Variants in ZFPM2 observed in about 807,000 individuals in gnomAD.
ZFPM2 encodes the protein zinc finger protein ZFPM2.
A neutral mutation model predicts 98.6 loss-of-function variants in ZFPM2; 20 were observed. The ratio of observed to expected loss-of-function variants is 0.20; its 90% confidence interval spans 0.14 to 0.29. ZFPM2 has a LOEUF of 0.29. Ranked by LOEUF, ZFPM2 falls within the 10% of genes least tolerant of loss-of-function variation. The probability of loss-of-function intolerance (pLI) is 1.00; values close to 1 mark genes in which losing one functional copy is unlikely to be tolerated. For synonymous variants in ZFPM2, 518 were observed against 502.7 expected (o/e 1.03, Z -0.41); for missense variants, 1,310 against 1,388.6 (o/e 0.94, Z 0.90).
intron 5 of ZFPM2, chr8:105,678,331 A>C (rs1810516682): frequency 6.6e-6 from 1 of 152,222 alleles, no homozygotes; most frequent in Non-Finnish European, 1.5e-5. Context: ...AAAATCTATA[A>C]AAGATGCTCT....
At position 105,677,485 on chromosome 8, in the gene ZFPM2, A is replaced by G. The variant is rs575845854; in HGVS notation, c.532+43128A>G. 2.6e-5 allele frequency among the ~76,000 whole-genome samples: 4 copies of G among 152,258 alleles called. No homozygotes were observed. The South Asian group carries it at 8.3e-4, about 32-fold the overall frequency. Reference sequence around the variant, plus strand: ...TCATCACAAAACAATGATATTGCTAAAATTAAACAATTCTCTTCAACAAAT... The same window carrying G: ...TCATCACAAAACAATGATATTGCTAGAATTAAACAATTCTCTTCAACAAAT... On this transcript the variant is annotated intron_variant, in intron 5 of 7. Transcript: ENST00000407775.
intron 2 of ZFPM2, among the ~76,000 whole-genome samples, chr8:105,419,867 G>A (rs1231346210): frequency 7.0e-6 from 1 of 143,504 alleles, no homozygotes; most frequent in Non-Finnish European, 1.5e-5. Context: ...AAGCACTTGA[G>A]ACATATCACA....
At chr8:105,405,337 T>A (rs913450291) in intron 1 of ZFPM2, among the ~76,000 whole-genome samples, 9 of 151,940 alleles carry the variant, frequency 5.9e-5, no homozygotes, top group East Asian at 3.9e-4. Context: ...CGTGCAGGTT[T>A]GTTACATATG....
chr8:105,619,383 ATATAT>A (rs1451047464), intron 4 of ZFPM2, among the ~76,000 whole-genome samples: 6 of 152,042 alleles, frequency 3.9e-5, no homozygotes, highest in African/African-American at 1.4e-4. Flanking sequence ...TTTATTATTA[ATATAT>A]TGTGAACATC....
At chr8:105,441,496 A>C (rs572648011) in intron 2 of ZFPM2, among the ~76,000 whole-genome samples, 1 of 125,044 alleles carries the variant, frequency 8.0e-6, no homozygotes, top group African/African-American at 3.8e-5. Flanking sequence ...GAAAGAAAGA[A>C]AGAAATCAAA....
chr8:105,488,731 T>C (rs1217901495), intron 3 of ZFPM2, among the ~76,000 whole-genome samples: 2 of 152,160 alleles, frequency 1.3e-5, no homozygotes, highest in Admixed American at 6.5e-5. Context: ...ACCACTGCAC[T>C]CCAGCCTGGG....
intron 4 of ZFPM2, among the ~76,000 whole-genome samples, chr8:105,587,084 G>A (rs1255680890): frequency 2.0e-5 from 3 of 151,282 alleles, no homozygotes; most frequent in Non-Finnish European, 4.4e-5. Flanking sequence ...AGACCATCCT[G>A]GCTAACACGG....
chr8:105,644,076 C>T (rs1816995508), intron 5 of ZFPM2, among the ~76,000 whole-genome samples: 1 of 152,098 alleles, frequency 6.6e-6, no homozygotes, highest in Non-Finnish European at 1.5e-5. Flanking sequence ...AACTTGCCAA[C>T]TCCTGAACTA....
chr8:105,749,322 T>TA (rs1271711376), intron 5 of ZFPM2, among the ~76,000 whole-genome samples: 2 of 151,984 alleles, frequency 1.3e-5, no homozygotes, highest in Non-Finnish European at 2.9e-5. Context: ...ATGATAGATT[T>TA]AAAAAAAGAC....
intron 5 of ZFPM2, among the ~76,000 whole-genome samples, chr8:105,733,872 T>C (rs1398099905): frequency 6.6e-6 from 1 of 151,860 alleles, no homozygotes; most frequent in African/African-American, 2.4e-5. Context: ...TGTCTTACAT[T>C]GTAAAGAAAA....
intron 4 of ZFPM2, among the ~76,000 whole-genome samples, chr8:105,632,728 G>T (rs930111144): frequency 4.0e-5 from 6 of 151,858 alleles, no homozygotes; most frequent in Admixed American, 1.3e-4. Context: ...CATCTTTTTC[G>T]CAAGGCTTTT....
chr8:105,560,143 T>C (rs1400767343), intron 3 of ZFPM2, among the ~76,000 whole-genome samples: 1 of 137,692 alleles, frequency 7.3e-6, no homozygotes, highest in African/African-American at 2.8e-5. Context: ...AGAGGCAGCC[T>C]GGGCAACAAG....
At chr8:105,483,724 G>A (rs969823686) in intron 3 of ZFPM2, among the ~76,000 whole-genome samples, 1 of 151,166 alleles carries the variant, frequency 6.6e-6, no homozygotes, top group African/African-American at 2.4e-5. Flanking sequence ...TCAGTCATCT[G>A]TCTTTTCTCT....
chr8:105,504,417 A>G lies in ZFPM2; in HGVS notation c.302-56946A>G, dbSNP rs1001353726. 7.9e-5 allele frequency among the ~76,000 whole-genome samples: 12 copies of G among 152,172 alleles called. No homozygotes were observed. In the South Asian group the frequency reaches 2.5e-3, roughly 31 times the overall value. On this transcript the variant is annotated intron_variant, in intron 3 of 7. Coordinates refer to ENST00000407775, the MANE Select transcript of ZFPM2 (RefSeq NM_012082.4). ...TTGGGAACTTCCTAGTGATGTGTCA[A>G]AAAATTACACTTCCTCAGTTTAAGA...
At chr8:105,378,754 C>G (rs999279648) in intron 1 of ZFPM2, among the ~76,000 whole-genome samples, 19 of 152,036 alleles carry the variant, frequency 1.2e-4, no homozygotes, top group Non-Finnish European at 2.2e-4. Flanking sequence ...ATGGTAGTCT[C>G]TCTAAATCTA....
intron 4 of ZFPM2, among the ~76,000 whole-genome samples, chr8:105,598,624 G>T (rs1276912947): frequency 6.6e-6 from 1 of 151,930 alleles, no homozygotes; most frequent in Non-Finnish European, 1.5e-5. Flanking sequence ...CTCACTTCAC[G>T]CTTTCTCACG....
intron 3 of ZFPM2, among the ~76,000 whole-genome samples, chr8:105,537,740 A>AT (rs952882665): frequency 1.5e-4 from 22 of 150,702 alleles, no homozygotes; most frequent in South Asian, 1.3e-3. Flanking sequence ...CTTCTTCTTT[A>AT]TTTTTTTTTG....
At chr8:105,655,223 CTTTTTTTTTTTTT>C (rs34262627) in intron 5 of ZFPM2, among the ~76,000 whole-genome samples, 12 of 76,098 alleles carry the variant, frequency 1.6e-4, no homozygotes, top group East Asian at 1.2e-3. Context: ...TGCATTGAGT[CTTTTTTTTTTTTT>C]TTTTTTTTTT....
rs1586287156 is a variant in ZFPM2 at position 105,803,619 on chromosome 8, G to C, written c.*81G>C. The C allele has an allele frequency of 4.3e-6, 6 of 1,381,470 alleles. No individual in the cohort carries two copies. The East Asian group carries it at 1.5e-4, about 34-fold the overall frequency. The allele number at this position is 1,381,470 out of a possible 1,614,324, so 85.6% of individuals were successfully genotyped here. ...GTCCAGAAAAAAAAATAAGCTGTTT[G>C]AATTACATCTGGGCAATCAGGAGAT... On this transcript the variant is annotated 3_prime_UTR_variant, in exon 8 of 8. Coordinates refer to ENST00000407775, the MANE Select transcript of ZFPM2 (RefSeq NM_012082.4).
Sources: gnomAD v4.1 joint callset for allele counts (sites outside exome capture counted in the v4.1 genomes callset) on GRCh38, gnomAD v4.1.1 for gene constraint, MANE v1.5 for transcripts, NCBI Gene and HGNC (gene_info 2026-07-23, HGNC 2026-07-21) for gene names.